The following LIFR variants were observed in gnomAD, a reference collection of about 807,000 sequenced individuals.
LIFR encodes the protein LIF receptor subunit alpha, also known as leukemia inhibitory factor receptor.
In LIFR, 84 loss-of-function variants were observed where a neutral mutation model predicts 122.2. That is an observed-to-expected ratio of 0.69 (90% CI 0.58 to 0.82). LIFR has a LOEUF of 0.82. LIFR is among the 40% of genes least tolerant of loss of function. The pLI is 0.00. For missense variants in LIFR, 1,294 were observed against 1,311.6 expected (o/e 0.99, Z 0.21); for synonymous variants, 422 against 434.7 (o/e 0.97, Z 0.36).
chr5:38,587,329 T>C (rs1166940460), intron 1 of LIFR, among the ~76,000 whole-genome samples: 1 of 152,088 alleles, frequency 6.6e-6, no homozygotes, highest in Non-Finnish European at 1.5e-5. Context: ...ATAAAAAAGA[T>C]GTTTAAGCCT....
intron 1 of LIFR, among the ~76,000 whole-genome samples, chr5:38,577,403 A>G (rs1749422854): frequency 6.6e-6 from 1 of 152,036 alleles, no homozygotes; most frequent in Non-Finnish European, 1.5e-5. Flanking sequence ...TCCATTTACC[A>G]CACCTGGGCA....
upstream of LIFR, among the ~76,000 whole-genome samples, chr5:38,596,179 A>C (rs918050985): frequency 4.6e-5 from 7 of 152,172 alleles, no homozygotes; most frequent in African/African-American, 1.7e-4. Context: ...ACTCCTTTAT[A>C]TATAGGCCAA....
chr5:38,546,976 TCAACAC>T (rs1747927979), intron 1 of LIFR, among the ~76,000 whole-genome samples: 1 of 152,176 alleles, frequency 6.6e-6, no homozygotes, highest in African/African-American at 2.4e-5. Context: ...TGTCTACATG[TCAACAC>T]AGCTTGGTTG....
chr5:38,493,644 T>C lies in LIFR; in HGVS notation c.2027A>G (p.Lys676Arg). 1 of 1,614,214 alleles carries C rather than the reference T, an allele frequency of 6.2e-7. No homozygotes were observed. Among genetic ancestry groups the C allele is most frequent in the Non-Finnish European group, 8.5e-7 (1 of 1,180,042 alleles). ...AGTTTCAGTGCTGTTTGAGGGAACTTTTCTCCAGTCCATAAGGCATGGTTC... is the reference window on the plus strand; with the variant it reads ...AGTTTCAGTGCTGTTTGAGGGAACTCTTCTCCAGTCCATAAGGCATGGTTC... ...RSEPCLMDWRKVPSNSTETVI... is the reference protein window; with the variant it reads ...RSEPCLMDWRRVPSNSTETVI... Residue 676 changes from lysine to arginine, a missense_variant, in exon 14 of 20, where the codon AAA becomes AGA. Lys to Arg is a conservative substitution (Grantham distance 26). Transcript: ENST00000453190.
Position 38,493,598 on chromosome 5 carries a change from C to G in LIFR, c.2065+8G>C. 6.2e-7 allele frequency: 1 copy of G among 1,612,324 alleles called. No individual in the cohort carries two copies. Among genetic ancestry groups the G allele is most frequent in the Non-Finnish European group, 8.5e-7 (1 of 1,178,338 alleles). On this transcript the variant is annotated splice_region_variant and intron_variant, in intron 14 of 19. Transcript: ENST00000453190. ...AGAACTTAATTGAGAGACACTAATT[C>G]ATCTTACCAGATTCTATTACAGTTT...
At chr5:38,516,955 G>A (rs1746115757) in intron 5 of LIFR, among the ~76,000 whole-genome samples, 1 of 152,028 alleles carries the variant, frequency 6.6e-6, no homozygotes, top group African/African-American at 2.4e-5. Context: ...ACTAACACAG[G>A]AACAGAAAAC....
At chr5:38,536,246 A>C (rs1747289818) in intron 1 of LIFR, among the ~76,000 whole-genome samples, 1 of 152,132 alleles carries the variant, frequency 6.6e-6, no homozygotes, top group Admixed American at 6.5e-5. Context: ...ACTACCATAG[A>C]CCCTTCATAT....
chr5:38,605,647 A>AT (rs1350621430), intron 2 of LIFR, among the ~76,000 whole-genome samples: 1 of 152,214 alleles, frequency 6.6e-6, no homozygotes, highest in Non-Finnish European at 1.5e-5. Flanking sequence ...ACCTGCTAAG[A>AT]TAAAAAAAGC....
intron 1 of LIFR, among the ~76,000 whole-genome samples, chr5:38,533,727 T>C (rs1357504322): frequency 6.6e-6 from 1 of 152,032 alleles, no homozygotes; most frequent in Admixed American, 6.6e-5. Context: ...GACAGGTAGG[T>C]AGAGACAGAT....
At chr5:38,533,651 AT>A (rs1747138493) in intron 1 of LIFR, among the ~76,000 whole-genome samples, 1 of 152,216 alleles carries the variant, frequency 6.6e-6, no homozygotes, top group Non-Finnish European at 1.5e-5. Flanking sequence ...TTTGTTGCTT[AT>A]TTTGTCTCTG....
upstream of LIFR, among the ~76,000 whole-genome samples, chr5:38,598,711 C>G (rs906801064): frequency 1.3e-5 from 2 of 152,164 alleles, no homozygotes; most frequent in Non-Finnish European, 2.9e-5. Context: ...GCCCTAACTT[C>G]CTCAACACTG....
rs188664231 is a variant in LIFR at position 38,507,258 on chromosome 5, C to G, written c.992-626G>C. ...AGAAATTTTTTTTTTTTTTTTAAGA[C>G]GAGACCTTCAAAGTGATAAATGAGC... is the stretch of plus-strand genomic sequence containing the variant. On this transcript the variant is annotated intron_variant, in intron 7 of 19. Coordinates refer to ENST00000453190, the MANE Select transcript of LIFR (RefSeq NM_001127671.2). Among the ~76,000 whole-genome samples, 32 of 147,440 alleles carry G rather than the reference C, an allele frequency of 2.2e-4. No individual in the cohort carries two copies. In the Admixed American group the frequency reaches 2.2e-3, roughly 10 times the overall value.
intron 17 of LIFR, 36 bp downstream of exon 17, chr5:38,485,783 G>A: frequency 6.2e-7 from 1 of 1,611,260 alleles, no homozygotes; most frequent in Non-Finnish European, 8.5e-7. Context: ...TACGCATGCA[G>A]GATGGAAAGC....
chr5:38,491,250 T>G (rs1429262282), intron 14 of LIFR, among the ~76,000 whole-genome samples: 1 of 152,270 alleles, frequency 6.6e-6, no homozygotes, highest in Non-Finnish European at 1.5e-5. Flanking sequence ...TGCTTTTAAA[T>G]GTCTCCTGAA....
chr5:38,556,507 G>A lies in LIFR; in HGVS notation c.-193C>T, dbSNP rs963405274. ...CCGCCGTCTCGCCTCCCCTGTGTCG[G>A]CGCGAGGCTGCTTGAGGCGGCCACG... On this transcript the variant is annotated 5_prime_UTR_variant, in exon 1 of 20. Transcript: ENST00000453190. 1.3e-5 allele frequency: 2 copies of A among 150,922 alleles called. No homozygotes were observed. The highest frequency in any genetic ancestry group is 4.8e-5 in the African/African-American group (2 of 41,280). The allele number at this position is 150,922 out of a possible 1,614,324, so 9.3% of individuals were successfully genotyped here. A position where few individuals can be genotyped will look rare whatever the true frequency, so the allele number is the denominator to read the frequency against.
At chr5:38,529,754 T>C (rs1746900295) in intron 2 of LIFR, among the ~76,000 whole-genome samples, 3 of 152,172 alleles carry the variant, frequency 2.0e-5, no homozygotes, top group African/African-American at 4.8e-5. Flanking sequence ...AATGTTTTTG[T>C]TTTTGTACAT....
At chr5:38,607,618 A>C (rs1580258691) in intron 1 of LIFR, 1 of 152,256 alleles carries the variant, frequency 6.6e-6, no homozygotes, top group East Asian at 1.9e-4. Flanking sequence ...AACGTCTTGC[A>C]CAAGAGGAGT....
chr5:38,567,968 T>C (rs930154334), intron 1 of LIFR, among the ~76,000 whole-genome samples: 3 of 152,226 alleles, frequency 2.0e-5, no homozygotes, highest in African/African-American at 4.8e-5. Context: ...ACATCTGATC[T>C]GACTGCTTTG....
intron 10 of LIFR, 152 bp downstream of exon 10, chr5:38,503,824 C>T (rs1020360027): frequency 3.7e-5 from 24 of 641,328 alleles, no homozygotes; most frequent in African/African-American, 3.7e-4. Flanking sequence ...TGATACAATG[C>T]TGTTATTACA....
Sources: allele counts gnomAD v4.1 joint callset (sites outside exome capture counted in the v4.1 genomes callset), GRCh38; gene constraint gnomAD v4.1.1; transcripts MANE v1.5; gene names NCBI Gene and HGNC (gene_info 2026-07-23, HGNC 2026-07-21).